The following RTN1 variants were observed in gnomAD, a reference collection of about 807,000 sequenced individuals.
RTN1 encodes the protein reticulon-1.
A neutral mutation model predicts 65.5 loss-of-function variants in RTN1; 25 were observed. The observed-to-expected ratio is 0.38, with a 90% CI of 0.28 to 0.53. The LOEUF is 0.53. Among genes scored for constraint, RTN1 ranks in the 20% least tolerant of loss-of-function variants. The pLI is 0.79. For synonymous variants in RTN1, 471 were observed against 447.6 expected, an observed-to-expected ratio of 1.05 and a Z score of -0.66; for missense variants, 983 against 1,025.4, an observed-to-expected ratio of 0.96 and a Z score of 0.57.
intron 1 of RTN1, among the ~76,000 whole-genome samples, chr14:59,750,055 T>C (rs1197200913): frequency 1.8e-4 from 10 of 54,590 alleles, no homozygotes; most frequent in East Asian, 1.2e-3. Flanking sequence ...TATTATATTA[T>C]ATACATATAT....
rs377312291 is a variant in RTN1 at position 59,745,866 on chromosome 14, G to A, written c.857C>T (p.Thr286Met). The A allele has an allele frequency of 3.1e-5, 50 of 1,613,962 alleles. No individual in the cohort carries two copies. Among genetic ancestry groups the A allele is most frequent in the Middle Eastern group, 1.6e-4 (1 of 6,082 alleles). Residue 286 changes from threonine (T) to methionine (M), a missense_variant, in exon 2 of 9, where the codon ACG becomes ATG. By Grantham distance (81) the Thr-to-Met change is moderately conservative. Around this residue, in one of 2 missense-constraint regions of RTN1, gnomAD observed 818 missense variants for 801.8 expected, o/e 1.02. Coordinates refer to ENST00000267484, the MANE Select transcript of RTN1 (RefSeq NM_021136.3). Reference sequence around the variant, plus strand: ...GGTTTCAACAGAAGGTTCTATTTCCGTCAGTGTGATTTTGACAGGGGTGGT... The same window carrying A: ...GGTTTCAACAGAAGGTTCTATTTCCATCAGTGTGATTTTGACAGGGGTGGT... ...QITTPVKITL[T>M]EIEPSVETTT...
intron 1 of RTN1, among the ~76,000 whole-genome samples, chr14:59,792,040 T>C (rs1251455515): frequency 6.6e-6 from 1 of 152,068 alleles, no homozygotes; most frequent in African/African-American, 2.4e-5. Context: ...ATGTAAGAGA[T>C]TGGAATTAGG....
At chr14:59,860,617 A>G (rs1343328617) in intron 1 of RTN1, among the ~76,000 whole-genome samples, 1 of 152,170 alleles carries the variant, frequency 6.6e-6, no homozygotes, top group Non-Finnish European at 1.5e-5. Flanking sequence ...GTGCCTGGAA[A>G]AGCCACAGGC....
chr14:59,751,768 T>C (rs78787074), intron 1 of RTN1, among the ~76,000 whole-genome samples: 3,742 of 152,222 alleles, frequency 0.025, 153 homozygotes, highest in African/African-American at 0.085. Context: ...TAGACCGCTG[T>C]CTCCTACCAC....
At chr14:59,700,725 C>A (rs1354627107) in intron 3 of RTN1, among the ~76,000 whole-genome samples, 1 of 152,052 alleles carries the variant, frequency 6.6e-6, no homozygotes, top group Non-Finnish European at 1.5e-5. Flanking sequence ...CAAAATGAAT[C>A]AAAGACCTAA....
intron 8 of RTN1, among the ~76,000 whole-genome samples, chr14:59,601,620 C>T (rs1881581272): frequency 6.6e-6 from 1 of 152,158 alleles, no homozygotes; most frequent in African/African-American, 2.4e-5. Flanking sequence ...ATTTGTGATA[C>T]TCAAACTAAG....
intron 3 of RTN1, among the ~76,000 whole-genome samples, chr14:59,688,253 T>A (rs1322697392): frequency 1.3e-5 from 2 of 152,144 alleles, no homozygotes; most frequent in Non-Finnish European, 2.9e-5. Context: ...CCCAGGCAGA[T>A]CTCCAGCCAT....
chr14:59,606,912 G>T (rs1051379295), intron 4 of RTN1, among the ~76,000 whole-genome samples: 1 of 152,174 alleles, frequency 6.6e-6, no homozygotes, highest in Middle Eastern at 3.2e-3. Context: ...CTATTTACTG[G>T]CCACCTGGCC....
At chr14:59,663,666 G>C (rs1352954536) in intron 3 of RTN1, among the ~76,000 whole-genome samples, 2 of 151,356 alleles carry the variant, frequency 1.3e-5, no homozygotes, top group Non-Finnish European at 2.9e-5. Flanking sequence ...AGTGGGCAAA[G>C]GATATGAACA....
chr14:59,702,037 A>G (rs544562118), intron 3 of RTN1, among the ~76,000 whole-genome samples: 5 of 152,318 alleles, frequency 3.3e-5, no homozygotes, highest in Admixed American at 6.5e-5. Context: ...TCCAGAATTG[A>G]GATCCTGAGG....
chr14:59,777,333 T>C (rs1041903481), intron 1 of RTN1, among the ~76,000 whole-genome samples: 5 of 152,182 alleles, frequency 3.3e-5, no homozygotes, highest in Non-Finnish European at 5.9e-5. Context: ...ACAGACTTTG[T>C]ACCCCTCAAC....
intron 1 of RTN1, among the ~76,000 whole-genome samples, chr14:59,764,293 G>A (rs1299233999): frequency 6.6e-6 from 1 of 152,024 alleles, no homozygotes; most frequent in Non-Finnish European, 1.5e-5. Flanking sequence ...CAGGTTTGGG[G>A]GTTATATCAA....
chr14:59,617,313 G>A (rs1464162989), intron 3 of RTN1, among the ~76,000 whole-genome samples: 1 of 152,238 alleles, frequency 6.6e-6, no homozygotes, highest in African/African-American at 2.4e-5. Context: ...GACCTCAAGA[G>A]AAGAGGAATT....
At chr14:59,817,159 G>C (rs531387239) in intron 1 of RTN1, among the ~76,000 whole-genome samples, 2 of 152,052 alleles carry the variant, frequency 1.3e-5, no homozygotes, top group Non-Finnish European at 2.9e-5. Context: ...CTGGGGTTAC[G>C]AGCGTGATGG....
chr14:59,659,461 A>C (rs1883195444), intron 3 of RTN1, among the ~76,000 whole-genome samples: 1 of 152,144 alleles, frequency 6.6e-6, no homozygotes, highest in Admixed American at 6.5e-5. Flanking sequence ...GGTTGAAATG[A>C]AGGAGAAAAT....
chr14:59,631,656 G>A (rs1566666828), intron 3 of RTN1, among the ~76,000 whole-genome samples: 1 of 152,138 alleles, frequency 6.6e-6, no homozygotes, highest in Non-Finnish European at 1.5e-5. Flanking sequence ...TGAAGGAATG[G>A]ATGGGATAAA....
intron 1 of RTN1, among the ~76,000 whole-genome samples, chr14:59,775,557 C>T (rs945588462): frequency 3.3e-5 from 5 of 152,124 alleles, no homozygotes; most frequent in Admixed American, 2.0e-4. Context: ...CAAGTATCAG[C>T]TCACTCAATC....
chr14:59,736,435 T>C (rs1209889964), intron 2 of RTN1, among the ~76,000 whole-genome samples: 1 of 152,060 alleles, frequency 6.6e-6, no homozygotes, highest in Non-Finnish European at 1.5e-5. Context: ...AAGAAATGGA[T>C]AAATTCCTGG....
chr14:59,831,242 G>T (rs1246808042), intron 1 of RTN1, among the ~76,000 whole-genome samples: 1 of 152,176 alleles, frequency 6.6e-6, no homozygotes, highest in African/African-American at 2.4e-5. Flanking sequence ...GATGTTTTCG[G>T]ATGTGATTAA....
Sources: gnomAD v4.1 joint callset for allele counts (sites outside exome capture counted in the v4.1 genomes callset) on GRCh38, gnomAD v4.1.1 for gene constraint, gnomAD v4.1.1 regional missense constraint, MANE v1.5 for transcripts, NCBI Gene and HGNC (gene_info 2026-07-23, HGNC 2026-07-21) for gene names.